SORCS1: variants seen among roughly 807,000 people sequenced by gnomAD.
SORCS1 encodes the protein sortilin related VPS10 domain containing receptor 1.
SORCS1 carries 60 observed loss-of-function variants against 146.1 expected under a neutral mutation model. The ratio of observed to expected loss-of-function variants is 0.41; its 90% CI spans 0.33 to 0.51. The LOEUF is 0.51. SORCS1 is among the 20% of genes least tolerant of loss of function. The pLI, the probability that SORCS1 is intolerant of heterozygous loss-of-function variation, is 0.21. For synonymous variants in SORCS1, 637 were observed against 584.0 expected (o/e 1.09, Z -1.31); for missense variants, 1,352 against 1,487.6 (o/e 0.91, Z 1.50).
At chr10:107,166,707 C>G (rs1260795705), upstream of SORCS1, among the ~76,000 whole-genome samples, 1 of 152,224 alleles carries the variant, frequency 6.6e-6, no homozygotes, top group African/African-American at 2.4e-5. Context: ...TTAATGACTT[C>G]TTTCTATGCC....
intron 2 of SORCS1, among the ~76,000 whole-genome samples, chr10:106,909,071 C>T (rs1170704670): frequency 6.6e-6 from 1 of 152,172 alleles, no homozygotes; most frequent in Non-Finnish European, 1.5e-5. Context: ...ACACAACAGC[C>T]ACTAAGCAAG....
intron 1 of SORCS1, among the ~76,000 whole-genome samples, chr10:107,072,654 G>C (rs540690816): frequency 7.3e-5 from 11 of 150,882 alleles, no homozygotes; most frequent in African/African-American, 2.7e-4. Context: ...GAGGGAGAGA[G>C]AGAACGAGAA....
chr10:107,024,558 T>C (rs544843497), intron 1 of SORCS1, among the ~76,000 whole-genome samples: 1 of 152,306 alleles, frequency 6.6e-6, no homozygotes, highest in African/African-American at 2.4e-5. Flanking sequence ...CAGAATTCCA[T>C]GCCAACTCTA....
intron 2 of SORCS1, among the ~76,000 whole-genome samples, chr10:106,867,308 G>A (rs981622019): frequency 2.0e-5 from 3 of 149,114 alleles, no homozygotes; most frequent in Non-Finnish European, 4.4e-5. Context: ...TTTTTGAAAC[G>A]GAGTCTCGTT....
intron 1 of SORCS1, among the ~76,000 whole-genome samples, chr10:106,974,638 C>G (rs904535069): frequency 2.6e-5 from 4 of 152,116 alleles, no homozygotes. Context: ...GATTCAGTCT[C>G]CAAAGCAAGG....
At chr10:107,083,816 G>A (rs575771710) in intron 1 of SORCS1, among the ~76,000 whole-genome samples, 3 of 152,248 alleles carry the variant, frequency 2.0e-5, no homozygotes, top group South Asian at 4.1e-4. Context: ...GATGACTCAC[G>A]CTAATCTACT....
intron 5 of SORCS1, among the ~76,000 whole-genome samples, chr10:106,743,985 T>C (rs1400842727): frequency 6.6e-6 from 1 of 152,150 alleles, no homozygotes; most frequent in Non-Finnish European, 1.5e-5. Context: ...GAACACAGCG[T>C]AACACACGAT....
chr10:107,006,944 C>T (rs541706897), intron 1 of SORCS1, among the ~76,000 whole-genome samples: 43 of 152,280 alleles, frequency 2.8e-4, no homozygotes, highest in Non-Finnish European at 4.6e-4. Context: ...TACTCAAATG[C>T]GCTTATAGCA....
At chr10:106,612,141 T>A (rs1256685365) in intron 21 of SORCS1, 118 bp from the exon 22 acceptor site, 1 of 695,166 alleles carries the variant, frequency 1.4e-6, no homozygotes, top group Admixed American at 2.7e-5. Context: ...CATAGGGACC[T>A]TTTTAGAAGG....
At chr10:106,679,591 A>T (rs1012769420) in intron 11 of SORCS1, 41 bp downstream of exon 11, 1 of 1,493,774 alleles carries the variant, frequency 6.7e-7, no homozygotes, top group Non-Finnish European at 9.2e-7. Flanking sequence ...CTTAAAATAA[A>T]CACTATTTAC....
chr10:106,974,625 CCAGATTCAGTCTCCAAAG>C (rs1955919623), intron 1 of SORCS1, among the ~76,000 whole-genome samples: 1 of 152,136 alleles, frequency 6.6e-6, no homozygotes, highest in Non-Finnish European at 1.5e-5. Flanking sequence ...GAAACCAAAA[CCAGATTCAGTCTCCAAAG>C]CAAGGGTTTG....
At chr10:106,788,324 T>C (rs570579681) in intron 3 of SORCS1, among the ~76,000 whole-genome samples, 69 of 152,268 alleles carry the variant, frequency 4.5e-4, no homozygotes, top group African/African-American at 1.6e-3. Flanking sequence ...TCATATTTAA[T>C]AACCAATTAT....
intron 2 of SORCS1, among the ~76,000 whole-genome samples, chr10:106,938,757 C>T (rs1294972433): frequency 1.3e-5 from 2 of 152,212 alleles, no homozygotes; most frequent in Non-Finnish European, 2.9e-5. Flanking sequence ...ATCCCTATGT[C>T]ATATCAGCAT....
intron 6 of SORCS1, among the ~76,000 whole-genome samples, chr10:106,719,878 C>A (rs1034191989): frequency 2.6e-5 from 4 of 152,170 alleles, no homozygotes; most frequent in Non-Finnish European, 4.4e-5. Context: ...AGCCACCTGG[C>A]CTTCTGTTAT....
intron 3 of SORCS1, among the ~76,000 whole-genome samples, chr10:106,825,574 G>A (rs1039731718): frequency 6.8e-5 from 10 of 146,940 alleles, no homozygotes; most frequent in Admixed American, 6.8e-5. Context: ...GCCCAGCCAA[G>A]TTTTTTTTTT....
chr10:106,726,253 T>C (rs1182507416), intron 6 of SORCS1, among the ~76,000 whole-genome samples: 1 of 136,506 alleles, frequency 7.3e-6, no homozygotes, highest in Non-Finnish European at 1.5e-5. Context: ...TTAAAACAAT[T>C]GGTAGATTTT....
chr10:106,783,838 G>A (rs891355019), intron 3 of SORCS1, among the ~76,000 whole-genome samples: 2 of 152,120 alleles, frequency 1.3e-5, no homozygotes, highest in Non-Finnish European at 2.9e-5. Context: ...TAATAGGAAT[G>A]GGCAAAAATC....
intron 1 of SORCS1, among the ~76,000 whole-genome samples, chr10:106,978,552 C>A (rs1389524922): frequency 6.6e-6 from 1 of 152,104 alleles, no homozygotes; most frequent in Non-Finnish European, 1.5e-5. Flanking sequence ...GTAATCCCAG[C>A]ACTTTGGGAG....
chr10:106,611,853 TTC>T, intron 22 of SORCS1, 56 bp downstream of exon 22: 2 of 1,309,044 alleles, frequency 1.5e-6, no homozygotes, highest in Non-Finnish European at 2.2e-6. Flanking sequence ...TTCTGTGAAA[TTC>T]TTCAAGGACA....
Sources: allele counts gnomAD v4.1 joint callset (sites outside exome capture counted in the v4.1 genomes callset), GRCh38; gene constraint gnomAD v4.1.1; transcripts MANE v1.5; gene names NCBI Gene and HGNC (gene_info 2026-07-23, HGNC 2026-07-21).